The following BRCA1 variants were observed in gnomAD, a reference collection of about 807,000 sequenced individuals.
BRCA1 encodes the protein BRCA1 DNA repair associated.
Under a neutral mutation model 173.7 loss-of-function variants are expected in BRCA1, and 140 were observed. The observed-to-expected ratio is 0.81, with a 90% CI of 0.70 to 0.93. The LOEUF (loss-of-function observed/expected upper bound fraction) is 0.93. Among genes scored for constraint, BRCA1 ranks in the 40% least tolerant of loss-of-function variants. The probability of loss-of-function intolerance (pLI) is 0.00; values close to 1 mark genes in which losing one functional copy is unlikely to be tolerated. For missense variants in BRCA1, 1,983 were observed against 2,172.5 expected (o/e 0.91, Z 1.73); for synonymous variants, 662 against 756.0 (o/e 0.88, Z 2.04).
chr17:43,162,878 A>G (rs998514290), intron 1 of BRCA1: 1 of 152,108 alleles, frequency 6.6e-6, no homozygotes, highest in African/African-American at 2.4e-5. Flanking sequence ...ACTGATGTTT[A>G]AGGATAGTCT....
intron 14 of BRCA1, among the ~76,000 whole-genome samples, chr17:43,074,036 C>A (rs55893499): frequency 6.6e-6 from 1 of 152,116 alleles, no homozygotes; most frequent in Admixed American, 6.5e-5. Context: ...GGATTACAGG[C>A]GTGAGCCACT....
At chr17:43,084,804 A>C (rs1246971128) in intron 11 of BRCA1, among the ~76,000 whole-genome samples, 2 of 152,170 alleles carry the variant, frequency 1.3e-5, no homozygotes, top group Non-Finnish European at 2.9e-5. Flanking sequence ...AACCCTAGCC[A>C]AAGTCTTGCC....
At chr17:43,105,059 G>T (rs1241286306) in intron 4 of BRCA1, 103 bp from the exon 5 acceptor site, 2 of 933,286 alleles carry the variant, frequency 2.1e-6, no homozygotes, top group Non-Finnish European at 3.4e-6. Flanking sequence ...ATAAGATGCA[G>T]CAACAGTAGA....
chr17:43,143,941 C>T (rs1368651235), intron 1 of BRCA1, among the ~76,000 whole-genome samples: 1 of 152,146 alleles, frequency 6.6e-6, no homozygotes, highest in African/African-American at 2.4e-5. Context: ...AAAAACCAGG[C>T]CGGGTGCGGT....
chr17:43,051,610 A>G (rs559237536), intron 19 of BRCA1, among the ~76,000 whole-genome samples: 1 of 151,100 alleles, frequency 6.6e-6, no homozygotes, highest in South Asian at 2.1e-4. Context: ...TGTTGATTTT[A>G]GGTGTACATG....
rs1427760331 is a variant in BRCA1, at chr17:43,045,002, C to T, written c.*676G>A. Reference sequence around the variant, plus strand: ...TATTTTTAGTAGAGATGGGGTTTCACCATGTTGGCCAGGCTGGTTTCGAAC... The same window carrying T: ...TATTTTTAGTAGAGATGGGGTTTCATCATGTTGGCCAGGCTGGTTTCGAAC... On this transcript the variant is annotated 3_prime_UTR_variant, in exon 23 of 23. Coordinates refer to ENST00000357654, the MANE Select transcript of BRCA1 (RefSeq NM_007294.4). 3 of 494,108 alleles carry T rather than the reference C, an allele frequency of 6.1e-6. No individual in the cohort carries two copies. The highest frequency in any genetic ancestry group is 1.2e-5 in the Non-Finnish European group (3 of 250,914). 30.6% of individuals were successfully genotyped at this position (494,108 alleles called of 1,614,324 possible). A position where few individuals can be genotyped will look rare whatever the true frequency, so the allele number is the denominator to read the frequency against.
chr17:43,121,331 T>C lies in BRCA1; in HGVS notation c.80+2686A>G, dbSNP rs799902. On this transcript the variant is annotated intron_variant, in intron 2 of 22. Transcript: ENST00000357654. ...CGGAGCTGGCAGTGAGCCAAGATCG[T>C]GCCACTGCACTCCAGCCTAGGCAGC... 0.49 allele frequency among the ~76,000 whole-genome samples: 74,059 copies of C among 151,400 alleles called. 21,266 individuals carry two copies. Among genetic ancestry groups the C allele is most frequent in the African/African-American group, 0.81 (33,589 of 41,372 alleles).
At chr17:43,105,573 C>G (rs1334235684) in intron 4 of BRCA1, among the ~76,000 whole-genome samples, 3 of 152,112 alleles carry the variant, frequency 2.0e-5, no homozygotes, top group Non-Finnish European at 4.4e-5. Flanking sequence ...GAACCCTGCC[C>G]AATCCCTCAC....
In BRCA1 at chr17:43,049,164, C is replaced by A. The variant is rs80357069; in HGVS notation, c.5363G>T (p.Gly1788Val). Residue 1788 changes from glycine to valine, a missense_variant, in exon 21 of 23, where the codon GGT becomes GTT. Gly to Val is a moderately radical substitution (Grantham distance 109). Coordinates refer to ENST00000357654, the MANE Select transcript of BRCA1 (RefSeq NM_007294.4). ...DQLEWMVQLC[G>V]ASVVKELSSF... ...TGAAAGCTCCTTCACCACAGAAGCA[C>A]CACACAGCTGTACCATCCATTCCAG... The A allele has an allele frequency of 6.2e-7, 1 of 1,614,040 alleles. No homozygotes were observed. Among genetic ancestry groups the A allele is most frequent in the Non-Finnish European group, 8.5e-7 (1 of 1,180,004 alleles).
chr17:43,099,958 C>T (rs1399207737), intron 6 of BRCA1, 78 bp from the exon 7 acceptor site: 13 of 1,122,308 alleles, frequency 1.2e-5, no homozygotes, highest in Non-Finnish European at 2.7e-6. Flanking sequence ...AACTTGACAC[C>T]ATGGACAAAA....
At chr17:43,163,397 G>T (rs550202935) in intron 1 of BRCA1, 4 of 152,352 alleles carry the variant, frequency 2.6e-5, no homozygotes, top group African/African-American at 9.6e-5. Flanking sequence ...CCTCGTTGTT[G>T]TTGGTTGTAA....
At chr17:43,084,255 C>G (rs1463855568) in intron 11 of BRCA1, among the ~76,000 whole-genome samples, 1 of 152,176 alleles carries the variant, frequency 6.6e-6, no homozygotes, top group Admixed American at 6.5e-5. Flanking sequence ...TGGTCTGGAT[C>G]TCCTGACCAC....
rs876658947 is a variant in BRCA1 at position 43,067,684 on chromosome 17, G to GT, written c.4997dup (p.Tyr1666Ter). ...GLTPEEFMLV[Y>*]KFARKHHITL... ...TGATGTGGTGTTTTCTGGCAAACTT[G>GT]TACACGAGCATCTGAAATTAAATCA... is the stretch of plus-strand genomic sequence containing the variant. The change falls in exon 16 of 23, where the codon TAC becomes TAAC. Residue 1666 changes from tyrosine (Y) to a stop codon, truncating the protein, a stop_gained and frameshift_variant. Coordinates refer to ENST00000357654, the MANE Select transcript of BRCA1 (RefSeq NM_007294.4). LOFTEE classifies it high-confidence loss of function. The GT allele has an allele frequency of 6.2e-7, 1 of 1,611,880 alleles. No individual in the cohort carries two copies. Among genetic ancestry groups the GT allele is most frequent in the East Asian group, 2.2e-5 (1 of 44,864 alleles).
chr17:43,094,559 A>T lies in BRCA1; in HGVS notation c.972T>A (p.Ser324Arg), dbSNP rs2154481654. The T allele has an allele frequency of 6.2e-7, 1 of 1,613,938 alleles. No homozygotes were observed. Among genetic ancestry groups the T allele is most frequent in the Non-Finnish European group, 8.5e-7 (1 of 1,179,982 alleles). Reference sequence around the variant, plus strand: ...TCCGCCTATCATTACATGTTTCCTTACTTCCAGCCCATCTGTTATGTTGGC... The same window carrying T: ...TCCGCCTATCATTACATGTTTCCTTTCTTCCAGCCCATCTGTTATGTTGGC... ...ARSQHNRWAG[S>R]KETCNDRRTP... The change falls in exon 10 of 23, where the codon AGT (serine) becomes AGA (arginine). Residue 324 changes from serine to arginine, a missense_variant. Ser to Arg is a moderately radical substitution (Grantham distance 110). Transcript: ENST00000357654.
chr17:43,063,817 T>C, intron 17 of BRCA1, 57 bp downstream of exon 17: 2 of 1,462,380 alleles, frequency 1.4e-6, no homozygotes, highest in East Asian at 2.3e-5. Context: ...ACGTTAGGTG[T>C]AAAAATGCAA....
At chr17:43,050,486 G>A (rs954519066) in intron 20 of BRCA1, among the ~76,000 whole-genome samples, 5 of 151,832 alleles carry the variant, frequency 3.3e-5, no homozygotes, top group East Asian at 1.9e-4. Context: ...GGTGGCACAC[G>A]CCTGTAGTCT....
rs587782752 is a variant in BRCA1 at position 43,092,082 on chromosome 17, G to C, written c.3449C>G (p.Pro1150Arg). Residue 1150 changes from proline to arginine, a missense_variant, in exon 10 of 23, where the codon CCT (proline) becomes CGT (arginine). Pro to Arg is a moderately radical substitution (Grantham distance 103). Coordinates refer to ENST00000357654, the MANE Select transcript of BRCA1 (RefSeq NM_007294.4). Reference sequence around the variant, plus strand: ...TTCACCATCATCTAACAGGTCATCAGGTGTCTCAGAACAAACCTGAGATGC... The same window carrying C: ...TTCACCATCATCTAACAGGTCATCACGTGTCTCAGAACAAACCTGAGATGC... The part of the protein sequence containing the change: ...SHASQVCSET[P>R]DDLLDDGEIK... 3 of 1,613,914 alleles carry C rather than the reference G, an allele frequency of 1.9e-6. No individual in the cohort carries two copies. Among genetic ancestry groups the C allele is most frequent in the East Asian group, 4.5e-5 (2 of 44,898 alleles).
intron 1 of BRCA1, among the ~76,000 whole-genome samples, chr17:43,153,944 T>C (rs1348475815): frequency 6.6e-6 from 1 of 152,088 alleles, no homozygotes; most frequent in Non-Finnish European, 1.5e-5. Context: ...CCTAGCACTT[T>C]GGGAGGCTGA....
chr17:43,064,470 G>A (rs1198161891), intron 16 of BRCA1, among the ~76,000 whole-genome samples: 2 of 152,214 alleles, frequency 1.3e-5, no homozygotes, highest in East Asian at 3.8e-4. Flanking sequence ...AGAATACAGT[G>A]CAGAGCTTTT....
Sources: gnomAD v4.1 joint callset for allele counts (sites outside exome capture counted in the v4.1 genomes callset) on GRCh38, gnomAD v4.1.1 for gene constraint, MANE v1.5 for transcripts, NCBI Gene and HGNC (gene_info 2026-07-23, HGNC 2026-07-21) for gene names.